The following MAN1C1 variants were observed in gnomAD, a reference collection of about 807,000 sequenced individuals.
MAN1C1 encodes the protein mannosidase alpha class 1C member 1.
Under a neutral mutation model 71.5 loss-of-function variants are expected in MAN1C1, and 49 were observed. The ratio of observed to expected loss-of-function variants is 0.69; its 90% CI spans 0.54 to 0.87. MAN1C1 has a LOEUF of 0.87. Ranked by LOEUF, MAN1C1 falls within the 40% of genes least tolerant of loss-of-function variation. The pLI is 0.00. For missense variants in MAN1C1, 743 were observed against 835.0 expected, an observed-to-expected ratio of 0.89 and a Z score of 1.36; for synonymous variants, 352 against 343.7, an observed-to-expected ratio of 1.02 and a Z score of -0.27.
At chr1:25,726,447 A>C (rs1426770799) in intron 2 of MAN1C1, among the ~76,000 whole-genome samples, 1 of 152,150 alleles carries the variant, frequency 6.6e-6, no homozygotes, top group Non-Finnish European at 1.5e-5. Flanking sequence ...ACCAGATCCC[A>C]TCCAATGTCA....
At chr1:25,772,673 A>C (rs1057507652) in intron 8 of MAN1C1, among the ~76,000 whole-genome samples, 4 of 152,110 alleles carry the variant, frequency 2.6e-5, no homozygotes, top group Admixed American at 2.0e-4. Flanking sequence ...TGTGTGGGGA[A>C]CAGAAGCCAG....
In MAN1C1 at chr1:25,746,904, C is replaced by G. The variant is rs928824132; in HGVS notation, c.753+121C>G. The G allele has an allele frequency of 1.7e-5, 12 of 690,766 alleles. No individual in the cohort carries two copies. The African/African-American group carries it at 2.2e-4, about 12-fold the overall frequency. The allele number at this position is 690,766 out of a possible 1,614,324, so 42.8% of individuals were successfully genotyped here. A position where few individuals can be genotyped will look rare whatever the true frequency, so the allele number is the denominator to read the frequency against. ...AGGGTCTCTCCCACGGCTGCACAGCCCAGCAGTCTCGGAACCGGAGCTGCC... is the reference window on the plus strand; with the variant it reads ...AGGGTCTCTCCCACGGCTGCACAGCGCAGCAGTCTCGGAACCGGAGCTGCC... On this transcript the variant is annotated intron_variant, in intron 3 of 11. Coordinates refer to ENST00000374332, the MANE Select transcript of MAN1C1 (RefSeq NM_020379.4). This position sits in a 1 kb window ranked among gnomAD's most constrained non-coding sequence, Gnocchi z 4.0.
Position 25,758,679 on chromosome 1 carries a change from ACT to A in MAN1C1, c.1022_1023del (p.Ser341TrpfsTer7). The A allele has an allele frequency of 1.2e-6, 2 of 1,613,884 alleles. No individual in the cohort carries two copies. The highest frequency in any genetic ancestry group is 1.7e-6 in the Non-Finnish European group (2 of 1,179,938). ...LHLEFLHLTE[L>X]SGNQVFAEKV... ...ACTTGGAATTCTTACACCTCACTGA[ACT>A]CTCTGGCAACCAGGTCTTCGCTGAA... On this transcript the variant is annotated frameshift_variant, in exon 6 of 12. Coordinates refer to ENST00000374332, the MANE Select transcript of MAN1C1 (RefSeq NM_020379.4). LOFTEE classifies it high-confidence loss of function.
At position 25,618,371 on chromosome 1, in the gene MAN1C1, C is replaced by G. The variant is rs767288195; in HGVS notation, c.540+34C>G. On this transcript the variant is annotated intron_variant, in intron 1 of 11. Coordinates refer to ENST00000374332, the MANE Select transcript of MAN1C1 (RefSeq NM_020379.4). ...TCAGCCCCCAAACTCCTCCCACCAA[C>G]TGCCCCCTCTAAGGAGAGAAGACCC... The G allele has an allele frequency of 5.1e-6, 8 of 1,570,324 alleles. No homozygotes were observed. In the African/African-American group the frequency reaches 8.2e-5, roughly 16 times the overall value.
rs866445671 is a variant in MAN1C1, at chr1:25,618,180, G to A, written c.383G>A (p.Ser128Asn). ...GAGGCCACGGCGGCCCGGGGCAATAGCATCCCGGCCTCCAGGCCCGGGGAC... is the reference window on the plus strand; with the variant it reads ...GAGGCCACGGCGGCCCGGGGCAATAACATCCCGGCCTCCAGGCCCGGGGAC... ...REEATAARGNSIPASRPGDEG... is the reference protein window; with the variant it reads ...REEATAARGNNIPASRPGDEG... The change falls in exon 1 of 12, where the codon AGC becomes AAC. Residue 128 changes from serine to asparagine, a missense_variant. Transcript: ENST00000374332. 1.3e-6 allele frequency: 2 copies of A among 1,572,276 alleles called. No homozygotes were observed. The highest frequency in any genetic ancestry group is 1.8e-5 in the Admixed American group (1 of 54,450).
intron 2 of MAN1C1, among the ~76,000 whole-genome samples, chr1:25,726,022 T>A (rs866837623): frequency 5.9e-5 from 9 of 152,380 alleles, no homozygotes; most frequent in Middle Eastern, 3.4e-3. Context: ...TACAGGCCAT[T>A]GCAGACCAGC....
chr1:25,704,608 C>T (rs1225720373), intron 2 of MAN1C1, among the ~76,000 whole-genome samples: 3 of 152,206 alleles, frequency 2.0e-5, no homozygotes, highest in South Asian at 2.1e-4. Flanking sequence ...ATCTTGTCAA[C>T]TTTAACACAG....
intron 2 of MAN1C1, among the ~76,000 whole-genome samples, chr1:25,704,343 G>A (rs2046488225): frequency 6.6e-6 from 1 of 152,222 alleles, no homozygotes; most frequent in Non-Finnish European, 1.5e-5. Context: ...CCAGCCTGGG[G>A]CCTGCAGTAC....
chr1:25,778,100 C>G lies in MAN1C1; in HGVS notation c.1258-5C>G, dbSNP rs1180195928. On this transcript the variant is annotated splice_region_variant and splice_polypyrimidine_tract_variant and intron_variant, in intron 8 of 11. Coordinates refer to ENST00000374332, the MANE Select transcript of MAN1C1 (RefSeq NM_020379.4). The surrounding 1 kb of genome is among the most constrained non-coding windows in gnomAD (Gnocchi z 5.5). ...CTCCCTGCCCAATCCCCACCTTGCT[C>G]CCAGGCGATAGAGACCTACTTGCTG... 1.2e-5 allele frequency: 18 copies of G among 1,541,986 alleles called. No homozygotes were observed. Among genetic ancestry groups the G allele is most frequent in the Non-Finnish European group, 1.6e-5 (18 of 1,139,746 alleles).
intron 1 of MAN1C1, among the ~76,000 whole-genome samples, chr1:25,647,152 G>C (rs1336455405): frequency 6.6e-6 from 1 of 152,232 alleles, no homozygotes; most frequent in Non-Finnish European, 1.5e-5. Flanking sequence ...GGCATAAGGA[G>C]TGAGCAGGGA....
Position 25,758,039 on chromosome 1 carries a change from G to A in MAN1C1, c.930-553G>A, listed in dbSNP as rs759859005. Among the ~76,000 whole-genome samples the A allele has an allele frequency of 2.6e-5, 4 of 152,256 alleles. No homozygotes were observed. The South Asian group carries it at 8.3e-4, about 32-fold the overall frequency. On this transcript the variant is annotated intron_variant, in intron 5 of 11. Coordinates refer to ENST00000374332, the MANE Select transcript of MAN1C1 (RefSeq NM_020379.4). ...CCTGCCTGTCCTATGTAGGTTCCAT[G>A]AAATTCCAGGCCGGGGCCATTTCAT...
intron 2 of MAN1C1, among the ~76,000 whole-genome samples, chr1:25,690,310 T>TTTTG (rs2046290832): frequency 6.7e-6 from 1 of 149,252 alleles, no homozygotes; most frequent in African/African-American, 2.5e-5. Flanking sequence ...TTTTTTTTTT[T>TTTTG]GAGATGGAGT....
chr1:25,714,594 A>G (rs962539748), intron 2 of MAN1C1, among the ~76,000 whole-genome samples: 8 of 152,316 alleles, frequency 5.3e-5, no homozygotes, highest in Non-Finnish European at 1.2e-4. Flanking sequence ...GATAAAAAAA[A>G]ATGGGAGGAA....
chr1:25,696,793 G>A (rs895256305), intron 2 of MAN1C1, among the ~76,000 whole-genome samples: 7 of 151,950 alleles, frequency 4.6e-5, no homozygotes, highest in African/African-American at 1.7e-4. Flanking sequence ...CTACAAGCAC[G>A]GGACACCACG....
intron 2 of MAN1C1, among the ~76,000 whole-genome samples, chr1:25,743,955 G>A (rs1319617170): frequency 6.6e-6 from 1 of 152,216 alleles, no homozygotes; most frequent in Non-Finnish European, 1.5e-5. Context: ...CCTGATGCGT[G>A]GAAAACACAT....
chr1:25,734,719 C>T (rs1271233569), intron 2 of MAN1C1, among the ~76,000 whole-genome samples: 2 of 152,222 alleles, frequency 1.3e-5, no homozygotes, highest in African/African-American at 4.8e-5. Flanking sequence ...CAATCCTTCA[C>T]TCCGCAGATC....
intron 2 of MAN1C1, among the ~76,000 whole-genome samples, chr1:25,729,276 C>A (rs1244216709): frequency 6.6e-6 from 1 of 152,214 alleles, no homozygotes; most frequent in South Asian, 2.1e-4. Flanking sequence ...GAATGTCCCC[C>A]CTGTTGCTCT....
intron 4 of MAN1C1, among the ~76,000 whole-genome samples, chr1:25,750,607 C>T (rs996598711): frequency 1.3e-5 from 2 of 152,178 alleles, no homozygotes; most frequent in Non-Finnish European, 2.9e-5. Context: ...AAGCAACAGG[C>T]GGGCACCTTA....
chr1:25,701,097 T>C (rs2046436215), intron 2 of MAN1C1, among the ~76,000 whole-genome samples: 1 of 152,246 alleles, frequency 6.6e-6, no homozygotes, highest in Admixed American at 6.5e-5. Context: ...AATGCAGTTG[T>C]CAAGGATCAT....
Sources: allele counts gnomAD v4.1 joint callset (sites outside exome capture counted in the v4.1 genomes callset), GRCh38; gene constraint gnomAD v4.1.1; non-coding constraint Gnocchi (gnomAD v3.1); transcripts MANE v1.5; gene names NCBI Gene and HGNC (gene_info 2026-07-23, HGNC 2026-07-21).